COL4A3: variants seen among roughly 807,000 people sequenced by gnomAD.
The protein encoded by COL4A3 is collagen type IV alpha 3 chain.
COL4A3 carries 135 observed loss-of-function variants against 217.4 expected under a neutral mutation model. That is an observed-to-expected ratio of 0.62 (90% CI 0.54 to 0.72). The LOEUF (loss-of-function observed/expected upper bound fraction) is 0.72. Ranked by LOEUF, COL4A3 falls within the 30% of genes least tolerant of loss-of-function variation. The pLI is 0.00. For synonymous variants in COL4A3, 690 were observed against 736.3 expected (o/e 0.94, Z 1.02); for missense variants, 1,868 against 2,119.9 (o/e 0.88, Z 2.33).
intron 48 of COL4A3, among the ~76,000 whole-genome samples, chr2:227,308,590 GA>G (rs1337332929): frequency 2.6e-5 from 4 of 152,186 alleles, no homozygotes; most frequent in Admixed American, 6.5e-5. Flanking sequence ...ATGTACATAT[GA>G]ATAAGTGGGA....
At chr2:227,274,052 C>T (rs1474366316) in intron 26 of COL4A3, among the ~76,000 whole-genome samples, 3 of 152,036 alleles carry the variant, frequency 2.0e-5, no homozygotes, top group Non-Finnish European at 4.4e-5. Context: ...GCCGGGTCAA[C>T]ATAGCGAACC....
Position 227,233,973 on chromosome 2 carries a change from G to T in COL4A3, c.88-3995G>T, listed in dbSNP as rs530572514. ...ATCAAACAGTTTTTCATTTTCTATGGTCATTGAGGACCTTGTATAAGGCTG... is the reference window on the plus strand; with the variant it reads ...ATCAAACAGTTTTTCATTTTCTATGTTCATTGAGGACCTTGTATAAGGCTG... On this transcript the variant is annotated intron_variant, in intron 1 of 51. Transcript: ENST00000396578. Among the ~76,000 whole-genome samples the T allele has an allele frequency of 6.6e-5, 10 of 152,302 alleles. No individual in the cohort carries two copies. The East Asian group carries it at 1.9e-3, about 29-fold the overall frequency.
rs758099711 is a variant in COL4A3, at chr2:227,313,638, C to T, written c.*1768C>T. The T allele has an allele frequency of 6.6e-6, 1 of 152,624 alleles. No individual in the cohort carries two copies. Among genetic ancestry groups the T allele is most frequent in the Non-Finnish European group, 1.5e-5 (1 of 68,040 alleles). 9.5% of individuals were successfully genotyped at this position (152,624 alleles called of 1,614,324 possible). A position where few individuals can be genotyped will look rare whatever the true frequency, so the allele number is the denominator to read the frequency against. Reference sequence around the variant, plus strand: ...AGGACAGCACAGACTATGGCCATGGCTCACATGGTTTACATCCTTCACTGC... The same window carrying T: ...AGGACAGCACAGACTATGGCCATGGTTCACATGGTTTACATCCTTCACTGC... On this transcript the variant is annotated 3_prime_UTR_variant, in exon 52 of 52. Transcript: ENST00000396578.
intron 34 of COL4A3, among the ~76,000 whole-genome samples, chr2:227,288,064 A>G (rs544625520): frequency 3.9e-5 from 6 of 152,186 alleles, no homozygotes; most frequent in Non-Finnish European, 7.4e-5. Context: ...AGAGTTTGCA[A>G]TTTACTCTGT....
At chr2:227,258,368 C>T (rs1031897170) in intron 18 of COL4A3, among the ~76,000 whole-genome samples, 8 of 152,196 alleles carry the variant, frequency 5.3e-5, no homozygotes, top group Admixed American at 5.2e-4. Flanking sequence ...AGTAATGTAA[C>T]TCAGGAATTG....
At chr2:227,304,252 T>A (rs940933103) in intron 46 of COL4A3, 108 bp downstream of exon 46, 4 of 1,436,006 alleles carry the variant, frequency 2.8e-6, no homozygotes, top group Non-Finnish European at 1.9e-6. Context: ...ATGTTGAACA[T>A]GATAGTGGTT....
chr2:227,269,531 G>GT (rs2071110555), intron 23 of COL4A3, among the ~76,000 whole-genome samples: 1 of 152,016 alleles, frequency 6.6e-6, no homozygotes, highest in Non-Finnish European at 1.5e-5. Context: ...TATAAAAAAT[G>GT]TATCATTAAT....
Position 227,235,411 on chromosome 2 carries a change from G to A in COL4A3, c.88-2557G>A, listed in dbSNP as rs976467893. On this transcript the variant is annotated intron_variant, in intron 1 of 51. Transcript: ENST00000396578. ...AGAAATAAGAAATATGCAACTTTGA[G>A]GAGACTATAGAATTTCCTTCTCAGT... is the stretch of plus-strand genomic sequence containing the variant. 3.3e-5 allele frequency among the ~76,000 whole-genome samples: 5 copies of A among 152,098 alleles called. 1 individual carries two copies. The highest frequency in any genetic ancestry group is 1.2e-4 in the African/African-American group (5 of 41,420).
At chr2:227,175,667 C>T (rs1281276701) in intron 1 of COL4A3, among the ~76,000 whole-genome samples, 1 of 152,018 alleles carries the variant, frequency 6.6e-6, no homozygotes, top group Non-Finnish European at 1.5e-5. Context: ...GTGGGTCTGT[C>T]GTGGTTATGC....
At position 227,280,471 on chromosome 2, in the gene COL4A3, C is replaced by A; in HGVS notation, c.2255C>A (p.Pro752Gln). ...GEPAVAMPGG[P>Q]GTPGFPGERG... is the part of the protein sequence containing the mutation. ...CCAGCAGTAGCCATGCCTGGAGGAC[C>A]AGGAACACCAGGTTTTCCAGGAGAA... is the stretch of plus-strand genomic sequence containing the variant. Residue 752 changes from proline (P) to glutamine (Q), a missense_variant, in exon 30 of 52, where the codon CCA becomes CAA. This residue lies in a region of COL4A3 where 1,503 missense variants were observed against 1,786.1 expected (regional missense o/e 0.84). Coordinates refer to ENST00000396578, the MANE Select transcript of COL4A3 (RefSeq NM_000091.5). 1.2e-6 allele frequency: 2 copies of A among 1,614,104 alleles called. No homozygotes were observed. The highest frequency in any genetic ancestry group is 3.3e-5 in the Admixed American group (2 of 60,022).
At chr2:227,239,081 C>T (rs1481473317) in intron 2 of COL4A3, among the ~76,000 whole-genome samples, 1 of 152,108 alleles carries the variant, frequency 6.6e-6, no homozygotes, top group Non-Finnish European at 1.5e-5. Flanking sequence ...ACTAAATTGA[C>T]CCAATTAACC....
rs772076791 is a variant in COL4A3 at position 227,289,243 on chromosome 2, C to A, written c.2975C>A (p.Pro992Gln). Residue 992 changes from proline (P) to glutamine (Q), a missense_variant, in exon 35 of 52, where the codon CCA becomes CAA. Transcript: ENST00000396578. ...AAAGGACTACCCGGACCAGCAGGACCACCAGGTACAGCTGATTCTCAAATA... is the reference window on the plus strand; with the variant it reads ...AAAGGACTACCCGGACCAGCAGGACAACCAGGTACAGCTGATTCTCAAATA... ...GLKGLPGPAGPPGPRGDLGST... is the reference protein window; with the variant it reads ...GLKGLPGPAGQPGPRGDLGST... The A allele has an allele frequency of 1.9e-6, 3 of 1,612,262 alleles. No homozygotes were observed. The highest frequency in any genetic ancestry group is 2.5e-6 in the Non-Finnish European group (3 of 1,178,750).
intron 1 of COL4A3, among the ~76,000 whole-genome samples, chr2:227,218,357 T>C (rs1018768304): frequency 7.9e-5 from 12 of 151,858 alleles, no homozygotes; most frequent in African/African-American, 2.9e-4. Flanking sequence ...TCCCAGCTAT[T>C]CGGGTGGCTG....
intron 3 of COL4A3, among the ~76,000 whole-genome samples, chr2:227,241,920 A>G (rs949437823): frequency 6.6e-6 from 1 of 152,178 alleles, no homozygotes; most frequent in Admixed American, 6.5e-5. Context: ...AGAGCACTTG[A>G]GTAATTTTTC....
At chr2:227,240,349 G>A in intron 3 of COL4A3, 117 bp downstream of exon 3, 2 of 961,324 alleles carry the variant, frequency 2.1e-6, no homozygotes, top group South Asian at 1.4e-5. Context: ...CTAGGTGCAT[G>A]GTGAACTCCT....
In COL4A3 at chr2:227,312,794, A is replaced by G. The variant is rs2073789290; in HGVS notation, c.*924A>G. 1 of 152,664 alleles carries G rather than the reference A, an allele frequency of 6.6e-6. No individual in the cohort carries two copies. The highest frequency in any genetic ancestry group is 2.4e-5 in the African/African-American group (1 of 41,470). 9.5% of individuals were successfully genotyped at this position (152,664 alleles called of 1,614,324 possible). A position where few individuals can be genotyped will look rare whatever the true frequency, so the allele number is the denominator to read the frequency against. On this transcript the variant is annotated 3_prime_UTR_variant, in exon 52 of 52. Transcript: ENST00000396578. ...ATACCTTATGTAAGGGAGCAGTTCA[A>G]TAATCCATGAAAGAACTTAAGGCAT...
At chr2:227,183,384 A>C (rs1028010246) in intron 1 of COL4A3, among the ~76,000 whole-genome samples, 1 of 152,252 alleles carries the variant, frequency 6.6e-6, no homozygotes, top group African/African-American at 2.4e-5. Flanking sequence ...AGAAAAAAGA[A>C]ATGGTGCTCA....
intron 1 of COL4A3, among the ~76,000 whole-genome samples, chr2:227,182,832 C>A (rs1249384784): frequency 2.0e-5 from 3 of 152,160 alleles, no homozygotes. Context: ...ACACATATAT[C>A]CAATTCAAGA....
At chr2:227,273,250 A>G (rs1488356785) in intron 26 of COL4A3, 133 bp downstream of exon 26, 1 of 973,964 alleles carries the variant, frequency 1.0e-6, no homozygotes, top group East Asian at 2.6e-5. Flanking sequence ...CAACTCACAG[A>G]TACCAGGAAA....
Sources: gnomAD v4.1 joint callset for allele counts (sites outside exome capture counted in the v4.1 genomes callset) on GRCh38, gnomAD v4.1.1 for gene constraint, gnomAD v4.1.1 regional missense constraint, MANE v1.5 for transcripts, NCBI Gene and HGNC (gene_info 2026-07-23, HGNC 2026-07-21) for gene names.